KLF8: variants seen among roughly 807,000 people sequenced by gnomAD.
KLF8 encodes Krueppel-like factor 8.
A neutral mutation model predicts 18.2 loss-of-function variants in KLF8; 10 were observed. That is an observed-to-expected ratio of 0.55 (90% CI 0.34 to 0.93). The LOEUF (loss-of-function observed/expected upper bound fraction) is 0.93, where lower values mean the gene tolerates loss of function less well. KLF8 is among the 40% of genes least tolerant of loss of function. The pLI is 0.02. For missense variants in KLF8, 264 were observed against 277.9 expected (o/e 0.95, Z 0.36); for synonymous variants, 109 against 97.3 (o/e 1.12, Z -0.71).
At chrX:55,991,852 T>C in the KLF8 span, among the ~76,000 whole-genome samples, 9 of 112,668 alleles carry the variant, frequency 8.0e-5, no homozygotes, top group African/African-American at 2.9e-4. Context: ...CTCTAATGAT[T>C]AGTGATGCTT....
the KLF8 span, among the ~76,000 whole-genome samples, chrX:56,183,749 G>A: frequency 2.7e-5 from 3 of 111,879 alleles, no homozygotes; most frequent in African/African-American, 9.7e-5. Flanking sequence ...AAGAGAAGAT[G>A]ACAAAACAGA....
Position 56,284,605 on chromosome X carries a change from C to A in KLF8, c.*111C>A. ...CAGCTTGCATATGGGGTTGAAGCAG[C>A]CCACTGAGCCAAGTTGAGGAGACTG... On this transcript the variant is annotated 3_prime_UTR_variant, in exon 6 of 6. Coordinates refer to ENST00000468660, the MANE Select transcript of KLF8 (RefSeq NM_007250.5). The A allele has an allele frequency of 1.7e-6, 1 of 588,558 alleles. No individual in the cohort carries two copies. The highest frequency in any genetic ancestry group is 2.5e-6 in the Non-Finnish European group (1 of 404,067). 48.5% of individuals were successfully genotyped at this position (588,558 alleles called of 1,213,427 possible). A position where few individuals can be genotyped will look rare whatever the true frequency, so the allele number is the denominator to read the frequency against.
the KLF8 span, among the ~76,000 whole-genome samples, chrX:56,109,993 T>C: frequency 3.6e-5 from 4 of 110,167 alleles, no homozygotes; most frequent in African/African-American, 1.3e-4. Flanking sequence ...TGTCCATGTG[T>C]TCTCATTGTT....
At chrX:56,109,699 TC>T in the KLF8 span, among the ~76,000 whole-genome samples, 4 of 112,119 alleles carry the variant, frequency 3.6e-5, no homozygotes, top group Admixed American at 3.8e-4. Flanking sequence ...TATTATACAT[TC>T]TTGTTAGATT....
At chrX:56,241,784 A>G (rs746692797) in intron 1 of KLF8, among the ~76,000 whole-genome samples, 1 of 112,177 alleles carries the variant, frequency 8.9e-6, no homozygotes, top group African/African-American at 3.2e-5. Context: ...CTTTAATAGT[A>G]AGAGTTTTAT....
chrX:55,942,222 A>G, the KLF8 span, among the ~76,000 whole-genome samples: 1 of 111,260 alleles, frequency 9.0e-6, no homozygotes, highest in Non-Finnish European at 1.9e-5. Flanking sequence ...TTGTAGGGAC[A>G]TGGATGAAGC....
the KLF8 span, among the ~76,000 whole-genome samples, chrX:56,000,486 G>A: frequency 7.9e-5 from 5 of 63,599 alleles, no homozygotes; most frequent in South Asian, 1.5e-3. Flanking sequence ...GGGGGGGGGG[G>A]GAGGGATTTT....
At chrX:56,178,484 T>G in the KLF8 span, among the ~76,000 whole-genome samples, 1 of 112,389 alleles carries the variant, frequency 8.9e-6, no homozygotes, top group Non-Finnish European at 1.9e-5. Flanking sequence ...ACTCTTTAGT[T>G]TAATTAGATC....
the KLF8 span, among the ~76,000 whole-genome samples, chrX:55,987,156 C>T: frequency 9.7e-6 from 1 of 102,784 alleles, no homozygotes; most frequent in East Asian, 3.1e-4. Context: ...GCTGCTGGGT[C>T]AAATGGTAGT....
At chrX:56,190,936 C>T in the KLF8 span, among the ~76,000 whole-genome samples, 1 of 110,396 alleles carries the variant, frequency 9.1e-6, no homozygotes, top group South Asian at 3.8e-4. Flanking sequence ...AACAAAACCC[C>T]AAATTAGTAG....
chrX:56,265,719 A>G lies in KLF8; in HGVS notation c.621A>G (p.Gly207=). ...CAGCCATTACAGTCCCACTCATTGG[A>G]GGAGATGGTAAAAATGCTGGATCAG... ...GPAAITVPLI[G]GDGKNAGSVK... Residue 207 remains glycine, a synonymous_variant, in exon 3 of 6, where the codon GGA becomes GGG. Coordinates refer to ENST00000468660, the MANE Select transcript of KLF8 (RefSeq NM_007250.5). The G allele has an allele frequency of 1.7e-6, 2 of 1,202,376 alleles. No homozygotes were observed. Among genetic ancestry groups the G allele is most frequent in the Non-Finnish European group, 2.2e-6 (2 of 893,193 alleles).
At chrX:55,965,548 G>C in the KLF8 span, among the ~76,000 whole-genome samples, 1 of 111,470 alleles carries the variant, frequency 9.0e-6, no homozygotes, top group Non-Finnish European at 1.9e-5. Flanking sequence ...AATCAGGCAA[G>C]GGAAAGAAAT....
At chrX:56,201,533 A>G in the KLF8 span, among the ~76,000 whole-genome samples, 1 of 111,721 alleles carries the variant, frequency 9.0e-6, no homozygotes, top group African/African-American at 3.2e-5. Flanking sequence ...TCCACCATAC[A>G]GCATAGTGCT....
intron 5 of KLF8, among the ~76,000 whole-genome samples, chrX:56,276,065 T>C (rs2067117871): frequency 9.0e-6 from 1 of 111,335 alleles, no homozygotes; most frequent in African/African-American, 3.3e-5. Flanking sequence ...TATGAGCTAA[T>C]CTTTAAATAT....
At chrX:55,998,613 G>T in the KLF8 span, among the ~76,000 whole-genome samples, 1 of 111,782 alleles carries the variant, frequency 8.9e-6, no homozygotes, top group African/African-American at 3.3e-5. Flanking sequence ...TGGGGGTAAG[G>T]TCACAGAATC....
At position 56,276,211 on chromosome X, in the gene KLF8, G is replaced by A. The variant is rs776219479; in HGVS notation, c.898+5890G>A. Among the ~76,000 whole-genome samples, 125 of 106,964 alleles carry A rather than the reference G, an allele frequency of 1.2e-3. 1 individual carries two copies. Among genetic ancestry groups the A allele is most frequent in the African/African-American group, 4.0e-3 (117 of 29,154 alleles). 92.9% of individuals were successfully genotyped at this position (106,964 alleles called of 115,157 possible). ...GCTGTAGTGCAGTGGCATGATCTCA[G>A]CTCACTGCAACCTCCACCTTCTGGG... On this transcript the variant is annotated intron_variant, in intron 5 of 5. Transcript: ENST00000468660.
the KLF8 span, among the ~76,000 whole-genome samples, chrX:56,161,980 C>G: frequency 8.9e-6 from 1 of 111,819 alleles, no homozygotes; most frequent in Admixed American, 9.5e-5. Context: ...GTTAGTTTTC[C>G]TTCTAACAGT....
the KLF8 span, among the ~76,000 whole-genome samples, chrX:55,957,877 A>G: frequency 8.9e-6 from 1 of 111,895 alleles, no homozygotes; most frequent in Admixed American, 9.5e-5. Flanking sequence ...GTTTATCATA[A>G]ACTCATTTAA....
chrX:56,149,404 G>T, the KLF8 span, among the ~76,000 whole-genome samples: 46 of 110,585 alleles, frequency 4.2e-4, no homozygotes, highest in Admixed American at 4.9e-4. Context: ...ACATAAAAAT[G>T]AGAACAATAG....
Sources: gnomAD v4.1 joint callset for allele counts (sites outside exome capture counted in the v4.1 genomes callset) on GRCh38, gnomAD v4.1.1 for gene constraint, MANE v1.5 for transcripts, NCBI Gene and HGNC (gene_info 2026-07-23, HGNC 2026-07-21) for gene names.